PTCHD4: variants seen among roughly 807,000 people sequenced by gnomAD.
The protein encoded by PTCHD4 is patched domain-containing protein 4.
In PTCHD4, 33 loss-of-function variants were observed where a neutral mutation model predicts 58.1. That is an observed-to-expected ratio of 0.57 (90% confidence interval 0.43 to 0.76). The LOEUF (loss-of-function observed/expected upper bound fraction) is 0.76. Among genes scored for constraint, PTCHD4 ranks in the 30% least tolerant of loss-of-function variants. PTCHD4 has a pLI of 0.00. For synonymous variants in PTCHD4, 478 were observed against 409.6 expected (o/e 1.17, Z -2.02); for missense variants, 1,058 against 1,027.1 (o/e 1.03, Z -0.41).
intron 4 of PTCHD4, among the ~76,000 whole-genome samples, chr6:47,932,654 G>A (rs1435011706): frequency 6.6e-6 from 1 of 152,080 alleles, no homozygotes; most frequent in Non-Finnish European, 1.5e-5. Flanking sequence ...CAATGCCAAA[G>A]TAAAGCTACC....
rs548226725 is a variant in PTCHD4 at position 47,919,375 on chromosome 6, T to C, written c.899-39439A>G. 6.6e-5 allele frequency among the ~76,000 whole-genome samples: 10 copies of C among 152,312 alleles called. No individual in the cohort carries two copies. The South Asian group carries it at 1.4e-3, about 22-fold the overall frequency. On this transcript the variant is annotated intron_variant, in intron 4 of 4. Coordinates refer to ENST00000339488, the MANE Select transcript of PTCHD4 (RefSeq NM_001384253.1). ...AACCATATGTAAGATAATTTCATCA[T>C]GATAAATGCTATAAGCAAAATATAG...
chr6:47,951,608 C>T lies in PTCHD4; in HGVS notation c.898+57026G>A, dbSNP rs577261955. Among the ~76,000 whole-genome samples the T allele has an allele frequency of 5.3e-5, 8 of 152,132 alleles. No individual in the cohort carries two copies. The South Asian group carries it at 1.5e-3, about 28-fold the overall frequency. On this transcript the variant is annotated intron_variant, in intron 4 of 4. Transcript: ENST00000339488. ...CTGAATAACTGAAGACAGGCCATGCCCCAAACAAGGAAGGCTGGATATTTT... is the reference window on the plus strand; with the variant it reads ...CTGAATAACTGAAGACAGGCCATGCTCCAAACAAGGAAGGCTGGATATTTT...
chr6:47,917,163 T>C (rs1765284865), intron 4 of PTCHD4, among the ~76,000 whole-genome samples: 1 of 152,162 alleles, frequency 6.6e-6, no homozygotes, highest in East Asian at 1.9e-4. Context: ...TAAAACATAA[T>C]TATATTTTTC....
At chr6:48,057,903 C>A (rs1764469930) in intron 3 of PTCHD4, among the ~76,000 whole-genome samples, 1 of 152,068 alleles carries the variant, frequency 6.6e-6, no homozygotes, top group African/African-American at 2.4e-5. Flanking sequence ...GTAATGTAGA[C>A]TAGGTTTAAG....
At chr6:48,051,080 C>A (rs1562027495) in intron 3 of PTCHD4, among the ~76,000 whole-genome samples, 4 of 151,894 alleles carry the variant, frequency 2.6e-5, no homozygotes, top group Non-Finnish European at 4.4e-5. Flanking sequence ...CAGCAAACAA[C>A]CTTTCAATCA....
intron 4 of PTCHD4, among the ~76,000 whole-genome samples, chr6:48,004,571 G>C (rs1000163265): frequency 3.9e-5 from 6 of 152,156 alleles, no homozygotes; most frequent in Non-Finnish European, 7.3e-5. Flanking sequence ...TATGTGCTTA[G>C]AGAGAGAAAG....
At position 47,867,632 on chromosome 6, in the gene PTCHD4, C is replaced by A. The variant is rs1309362826; in HGVS notation, c.*10671G>T. Reference sequence around the variant, plus strand: ...TCATCTCATCTGTTATAGCCTTCATCCTGGACAACCTGCTTTCCTGCCCTT... The same window carrying A: ...TCATCTCATCTGTTATAGCCTTCATACTGGACAACCTGCTTTCCTGCCCTT... On this transcript the variant is annotated 3_prime_UTR_variant, in exon 5 of 5. Transcript: ENST00000339488. Among the ~76,000 whole-genome samples the A allele has an allele frequency of 1.3e-5, 2 of 151,704 alleles. No homozygotes were observed. The highest frequency in any genetic ancestry group is 1.3e-4 in the Admixed American group (2 of 15,182).
In PTCHD4 at chr6:47,975,980, C is replaced by T. The variant is rs1197726027; in HGVS notation, c.898+32654G>A. Among the ~76,000 whole-genome samples the T allele has an allele frequency of 3.9e-5, 6 of 152,270 alleles. No homozygotes were observed. The East Asian group carries it at 1.2e-3, about 29-fold the overall frequency. On this transcript the variant is annotated intron_variant, in intron 4 of 4. Transcript: ENST00000339488. ...TTCAGCTCTCAGATGTTTCATCTGTCTTGTCCTTTCTGGTTGGCAATACCT... is the reference window on the plus strand; with the variant it reads ...TTCAGCTCTCAGATGTTTCATCTGTTTTGTCCTTTCTGGTTGGCAATACCT...
intron 1 of PTCHD4, among the ~76,000 whole-genome samples, chr6:48,072,045 T>C (rs1764984650): frequency 6.6e-6 from 1 of 152,222 alleles, no homozygotes; most frequent in Non-Finnish European, 1.5e-5. Context: ...ATCACTCAAC[T>C]GAAGTGGCAT....
In PTCHD4 at chr6:48,102,666, C is replaced by T. The variant is rs560834646; in HGVS notation, c.-970+8383G>A. On this transcript the variant is annotated intron_variant, in intron 1 of 4. Transcript: ENST00000339488. ...CGTGAGCCGAAGCAGGGCGAGGCAT[C>T]GCCTCACCTGGGAAGTGCAAGGAAT... is the stretch of plus-strand genomic sequence containing the variant. Among the ~76,000 whole-genome samples, 341 of 152,274 alleles carry T rather than the reference C, an allele frequency of 2.2e-3. 1 individual carries two copies. The highest frequency in any genetic ancestry group is 3.9e-3 in the South Asian group (19 of 4,832).
intron 4 of PTCHD4, among the ~76,000 whole-genome samples, chr6:47,985,006 G>T (rs1402405040): frequency 2.6e-5 from 4 of 151,982 alleles, no homozygotes; most frequent in Admixed American, 1.3e-4. Flanking sequence ...AATGCATTGG[G>T]AATTCCAAAT....
chr6:47,926,148 C>T (rs1451100007), intron 4 of PTCHD4, among the ~76,000 whole-genome samples: 2 of 152,132 alleles, frequency 1.3e-5, no homozygotes, highest in Admixed American at 1.3e-4. Flanking sequence ...CTTGACAGGG[C>T]GTTGGAGTAA....
intron 1 of PTCHD4, among the ~76,000 whole-genome samples, chr6:48,107,067 C>T (rs950879299): frequency 3.6e-4 from 54 of 152,102 alleles, no homozygotes; most frequent in African/African-American, 1.1e-3. Flanking sequence ...ATCAAGCTAC[C>T]AATGACTTTC....
At chr6:48,100,377 C>T (rs1450395994) in intron 1 of PTCHD4, among the ~76,000 whole-genome samples, 1 of 152,142 alleles carries the variant, frequency 6.6e-6, no homozygotes, top group Non-Finnish European at 1.5e-5. Flanking sequence ...GATGTCGTCC[C>T]TTGCAATATA....
intron 1 of PTCHD4, among the ~76,000 whole-genome samples, chr6:48,100,243 T>G (rs1330189682): frequency 6.6e-6 from 1 of 152,170 alleles, no homozygotes; most frequent in Non-Finnish European, 1.5e-5. Context: ...GAAAAATAGG[T>G]ATATCTTCAA....
At chr6:47,943,726 G>A (rs998529324) in intron 4 of PTCHD4, among the ~76,000 whole-genome samples, 7 of 152,020 alleles carry the variant, frequency 4.6e-5, no homozygotes, top group Non-Finnish European at 1.0e-4. Context: ...CACCTAGAAA[G>A]AGAGTTATTG....
chr6:47,985,869 G>A lies in PTCHD4; in HGVS notation c.898+22765C>T, dbSNP rs116978116. Among the ~76,000 whole-genome samples the A allele has an allele frequency of 4.0e-4, 60 of 151,468 alleles. 3 individuals are homozygous for A. In the East Asian group the frequency reaches 9.7e-3, roughly 24 times the overall value. On this transcript the variant is annotated intron_variant, in intron 4 of 4. Coordinates refer to ENST00000339488, the MANE Select transcript of PTCHD4 (RefSeq NM_001384253.1). The stretch of plus-strand genomic sequence containing the variant: ...TTGTTTGCTCTTTTTGACTTGTTTG[G>A]TTTTTCAACATCTAAATTATTTTTG...
intron 3 of PTCHD4, among the ~76,000 whole-genome samples, chr6:48,030,845 C>A (rs1354024418): frequency 6.6e-6 from 1 of 152,024 alleles, no homozygotes; most frequent in East Asian, 1.9e-4. Context: ...CTTTGTTTTT[C>A]TTTATTTTCA....
intron 4 of PTCHD4, among the ~76,000 whole-genome samples, chr6:47,914,249 T>C (rs1765159817): frequency 6.6e-6 from 1 of 152,162 alleles, no homozygotes; most frequent in Non-Finnish European, 1.5e-5. Context: ...ATTAACTTCA[T>C]GTGTCAACTT....
Sources: allele counts gnomAD v4.1 joint callset (sites outside exome capture counted in the v4.1 genomes callset), GRCh38; gene constraint gnomAD v4.1.1; transcripts MANE v1.5; gene names NCBI Gene and HGNC (gene_info 2026-07-23, HGNC 2026-07-21).